ATXN2: variants seen among roughly 807,000 people sequenced by gnomAD.
The protein encoded by ATXN2 is ataxin 2, also known as ataxin-2.
A neutral mutation model predicts 138.6 loss-of-function variants in ATXN2; 37 were observed. That is an observed-to-expected ratio of 0.27 (90% CI 0.21 to 0.35). The LOEUF is 0.35. Ranked by LOEUF, ATXN2 falls within the 10% of genes least tolerant of loss-of-function variation. ATXN2 has a pLI of 1.00. For missense variants in ATXN2, 1,216 were observed against 1,480.3 expected, an observed-to-expected ratio of 0.82 and a Z score of 2.93; for synonymous variants, 549 against 543.7, an observed-to-expected ratio of 1.01 and a Z score of -0.13.
chr12:111,564,447 A>G (rs987450661), intron 1 of ATXN2, among the ~76,000 whole-genome samples: 10 of 151,906 alleles, frequency 6.6e-5, no homozygotes, highest in Non-Finnish European at 1.0e-4. Flanking sequence ...TATGTTCCTC[A>G]AGAGTTGCTT....
At chr12:111,579,910 G>A (rs1395669879) in intron 1 of ATXN2, among the ~76,000 whole-genome samples, 3 of 151,870 alleles carry the variant, frequency 2.0e-5, no homozygotes, top group Non-Finnish European at 2.9e-5. Flanking sequence ...ATGTTGGCCA[G>A]GCTGGTCTCG....
At chr12:111,456,342 C>T in intron 22 of ATXN2, 86 bp from the exon 23 acceptor site, 2 of 1,427,376 alleles carry the variant, frequency 1.4e-6, no homozygotes, top group Non-Finnish European at 2.0e-6. Context: ...GCTTTGCACA[C>T]TTGGGCCTAT....
In ATXN2 at chr12:111,470,231, C is replaced by T. The variant is rs918281716; in HGVS notation, c.2719G>A (p.Val907Ile). 1 of 1,613,344 alleles carries T rather than the reference C, an allele frequency of 6.2e-7. No individual in the cohort carries two copies. Among genetic ancestry groups the T allele is most frequent in the African/African-American group, 1.3e-5 (1 of 74,868 alleles). Residue 907 changes from valine to isoleucine, a missense_variant, in exon 20 of 25, where the codon GTC becomes ATC. Val to Ile is a conservative substitution (Grantham distance 29). Transcript: ENST00000673436. ...VPHYQSQHPHVYSPVIQGNAR... is the reference protein window; with the variant it reads ...VPHYQSQHPHIYSPVIQGNAR... ...TTACCCTGTATTACAGGACTATAGA[C>T]ATGAGGATGCTGTGTTCAAACAAAA... is the stretch of plus-strand genomic sequence containing the variant.
intron 1 of ATXN2, among the ~76,000 whole-genome samples, chr12:111,572,545 A>G (rs1658485211): frequency 6.6e-6 from 1 of 152,214 alleles, no homozygotes; most frequent in Admixed American, 6.5e-5. Flanking sequence ...ACACAAGTAG[A>G]GTTGAAGTCT....
intron 18 of ATXN2, among the ~76,000 whole-genome samples, chr12:111,481,984 A>G (rs1321650784): frequency 6.6e-6 from 1 of 152,014 alleles, no homozygotes; most frequent in African/African-American, 2.4e-5. Context: ...TTGTACATGA[A>G]AATCCACAAA....
At chr12:111,495,054 C>T (rs1878323026) in intron 14 of ATXN2, among the ~76,000 whole-genome samples, 1 of 151,996 alleles carries the variant, frequency 6.6e-6, no homozygotes, top group Admixed American at 6.6e-5. Context: ...GCCTGTAATC[C>T]CAGGACTTTG....
At chr12:111,472,953 T>C (rs886344997) in intron 18 of ATXN2, among the ~76,000 whole-genome samples, 3 of 152,160 alleles carry the variant, frequency 2.0e-5, no homozygotes, top group Non-Finnish European at 4.4e-5. Context: ...ACATCAATCA[T>C]TTCTTCTCAA....
intron 5 of ATXN2, among the ~76,000 whole-genome samples, chr12:111,540,835 C>T (rs1881460020): frequency 6.7e-6 from 1 of 149,060 alleles, no homozygotes; most frequent in African/African-American, 2.4e-5. Flanking sequence ...GCTGGGATTA[C>T]AGGCATGTGC....
chr12:111,554,299 T>A, intron 2 of ATXN2, 82 bp from the exon 3 acceptor site: 1 of 961,624 alleles, frequency 1.0e-6, no homozygotes, highest in Non-Finnish European at 1.4e-6. Flanking sequence ...GGACCAGAAG[T>A]ATTTTAGACT....
chr12:111,465,466 G>C (rs1017522520), intron 20 of ATXN2, among the ~76,000 whole-genome samples: 1 of 151,970 alleles, frequency 6.6e-6, no homozygotes, highest in Non-Finnish European at 1.5e-5. Context: ...AACAAAATTA[G>C]ATGGATTAGA....
chr12:111,477,910 C>CA (rs898768572), intron 18 of ATXN2, among the ~76,000 whole-genome samples: 4 of 152,074 alleles, frequency 2.6e-5, no homozygotes, highest in Non-Finnish European at 4.4e-5. Context: ...CTCAGCCCCC[C>CA]AAGTAGCTGG....
chr12:111,549,407 GTGCCTA>G (rs1882003964), intron 5 of ATXN2, among the ~76,000 whole-genome samples: 1 of 151,842 alleles, frequency 6.6e-6, no homozygotes, highest in South Asian at 2.1e-4. Flanking sequence ...ATGGTGGTAT[GTGCCTA>G]TAATCCCAGC....
chr12:111,584,545 C>A (rs978428713), intron 1 of ATXN2, among the ~76,000 whole-genome samples: 1 of 151,936 alleles, frequency 6.6e-6, no homozygotes, highest in Non-Finnish European at 1.5e-5. Context: ...TAAAACAATT[C>A]TTGGCAGCTG....
chr12:111,570,329 G>T (rs767573192), intron 1 of ATXN2, among the ~76,000 whole-genome samples: 1 of 152,096 alleles, frequency 6.6e-6, no homozygotes, highest in Non-Finnish European at 1.5e-5. Flanking sequence ...CTGAAACAAC[G>T]TTGGCCATTT....
chr12:111,551,169 C>T (rs771196226), intron 5 of ATXN2, among the ~76,000 whole-genome samples: 8 of 151,838 alleles, frequency 5.3e-5, no homozygotes, highest in Non-Finnish European at 1.2e-4. Context: ...TGGTGGCACA[C>T]GCCTGTAGTC....
chr12:111,500,443 G>A (rs973378206), intron 14 of ATXN2, among the ~76,000 whole-genome samples: 1 of 151,962 alleles, frequency 6.6e-6, no homozygotes, highest in Non-Finnish European at 1.5e-5. Flanking sequence ...TAGCAGAATG[G>A]TTACCAGAAG....
At chr12:111,472,291 G>T (rs1224475656) in intron 18 of ATXN2, among the ~76,000 whole-genome samples, 1 of 152,144 alleles carries the variant, frequency 6.6e-6, no homozygotes, top group Non-Finnish European at 1.5e-5. Flanking sequence ...TAGGGGACAG[G>T]AGGGGAAGAA....
intron 1 of ATXN2, among the ~76,000 whole-genome samples, chr12:111,556,993 A>G (rs1882427515): frequency 6.6e-6 from 1 of 152,192 alleles, no homozygotes; most frequent in East Asian, 1.9e-4. Context: ...AAGATGCAGT[A>G]CACAAAATTT....
At chr12:111,528,469 C>T (rs1210429347) in intron 5 of ATXN2, among the ~76,000 whole-genome samples, 1 of 152,156 alleles carries the variant, frequency 6.6e-6, no homozygotes. Flanking sequence ...GGCTTTATTC[C>T]ACTGACCAGA....
Sources: allele counts gnomAD v4.1 joint callset (sites outside exome capture counted in the v4.1 genomes callset), GRCh38; gene constraint gnomAD v4.1.1; transcripts MANE v1.5; gene names NCBI Gene and HGNC (gene_info 2026-07-23, HGNC 2026-07-21).